Variants in VPS13C observed in about 807,000 individuals in gnomAD.
VPS13C encodes intermembrane lipid transfer protein VPS13C.
VPS13C carries 358 observed loss-of-function variants against 456.8 expected under a neutral mutation model. The ratio of observed to expected loss-of-function variants is 0.78; its 90% CI spans 0.72 to 0.86. The LOEUF (loss-of-function observed/expected upper bound fraction) is 0.86, where lower values mean the gene tolerates loss of function less well. Among genes scored for constraint, VPS13C ranks in the 40% least tolerant of loss-of-function variants. The pLI, the probability that VPS13C is intolerant of heterozygous loss-of-function variation, is 0.00. For missense variants in VPS13C, 4,818 were observed against 4,385.4 expected (o/e 1.10, Z -2.79); for synonymous variants, 1,578 against 1,486.7 (o/e 1.06, Z -1.41).
chr15:61,959,025 GACA>G (rs2140311964), intron 36 of VPS13C, among the ~76,000 whole-genome samples: 1 of 152,014 alleles, frequency 6.6e-6, no homozygotes, highest in East Asian at 1.9e-4. Flanking sequence ...CTATTAAAGT[GACA>G]ACTTTGGAAA....
intron 22 of VPS13C, among the ~76,000 whole-genome samples, chr15:61,980,438 C>T (rs2045846514): frequency 6.6e-6 from 1 of 152,120 alleles, no homozygotes; most frequent in Non-Finnish European, 1.5e-5. Context: ...AGTGTTCTGA[C>T]AAAGTCAGCC....
chr15:61,890,407 A>G lies in VPS13C; in HGVS notation c.9106-7T>C. The G allele has an allele frequency of 1.2e-6, 2 of 1,611,532 alleles. No individual in the cohort carries two copies. Among genetic ancestry groups the G allele is most frequent in the Non-Finnish European group, 1.7e-6 (2 of 1,177,964 alleles). ...GAAACTGTCCACATCCATCCTGGGA[A>G]GAAGAAAGACTTCATTAAACCCACA... On this transcript the variant is annotated splice_region_variant and splice_polypyrimidine_tract_variant and intron_variant, in intron 66 of 84. Coordinates refer to ENST00000644861, the MANE Select transcript of VPS13C (RefSeq NM_020821.3).
chr15:62,058,659 T>C (rs80222175), intron 1 of VPS13C, among the ~76,000 whole-genome samples: 3,387 of 152,262 alleles, frequency 0.022, 134 homozygotes, highest in African/African-American at 0.076. Context: ...AATTTTGGTA[T>C]GGTCAGGGGT....
Position 61,915,839 on chromosome 15 carries a change from C to T in VPS13C, c.8239G>A (p.Glu2747Lys). The change falls in exon 61 of 85, where the codon GAA becomes AAA. Residue 2747 changes from glutamate to lysine, a missense_variant. By Grantham distance (56) the Glu-to-Lys change is moderately conservative (BLOSUM62 1). Transcript: ENST00000644861. ...FPVCFSSDST[E>K]VTTVDLSVHV... Reference sequence around the variant, plus strand: ...ACTGACAGGTCGACTGTCGTCACTTCTGTGGAGTCAGAAGAAAAACACACA... The same window carrying T: ...ACTGACAGGTCGACTGTCGTCACTTTTGTGGAGTCAGAAGAAAAACACACA... 1 of 1,613,980 alleles carries T rather than the reference C, an allele frequency of 6.2e-7. No individual in the cohort carries two copies. The highest frequency in any genetic ancestry group is 8.5e-7 in the Non-Finnish European group (1 of 1,180,012).
At chr15:61,939,358 C>T (rs2044337359) in intron 47 of VPS13C, among the ~76,000 whole-genome samples, 1 of 152,164 alleles carries the variant, frequency 6.6e-6, no homozygotes, top group Admixed American at 6.5e-5. Flanking sequence ...AATTGTTCTT[C>T]ATGTAATATA....
intron 50 of VPS13C, among the ~76,000 whole-genome samples, chr15:61,930,738 A>G (rs2044026804): frequency 6.6e-6 from 1 of 152,246 alleles, no homozygotes; most frequent in Non-Finnish European, 1.5e-5. Context: ...ATGATGAAGG[A>G]AAAATCCATA....
At chr15:61,965,935 T>C (rs2045362259) in intron 30 of VPS13C, 148 bp downstream of exon 30, 2 of 467,282 alleles carry the variant, frequency 4.3e-6, no homozygotes, top group Non-Finnish European at 3.8e-6. Context: ...ACACAGAGCA[T>C]GGTAAGTATC....
chr15:61,979,612 A>G (rs2045812125), intron 22 of VPS13C, among the ~76,000 whole-genome samples: 1 of 152,258 alleles, frequency 6.6e-6, no homozygotes, highest in South Asian at 2.1e-4. Flanking sequence ...GTGGCAGACC[A>G]CATCAATTTG....
chr15:61,949,232 T>C (rs1380683149), intron 42 of VPS13C, among the ~76,000 whole-genome samples: 12 of 152,278 alleles, frequency 7.9e-5, no homozygotes, highest in Admixed American at 7.8e-4. Flanking sequence ...TGAATTGAAA[T>C]ATAAATATAT....
chr15:61,939,331 A>G (rs2044336077), intron 47 of VPS13C, among the ~76,000 whole-genome samples: 1 of 152,180 alleles, frequency 6.6e-6, no homozygotes, highest in Non-Finnish European at 1.5e-5. Flanking sequence ...TGAATGCCCA[A>G]ACAAACAAAA....
At chr15:61,873,578 C>A (rs1895190483) in intron 77 of VPS13C, among the ~76,000 whole-genome samples, 169 bp from the exon 78 acceptor site, 2 of 151,808 alleles carry the variant, frequency 1.3e-5, no homozygotes, top group Admixed American at 1.3e-4. Context: ...TGTTCAAGAT[C>A]AATAATCATC....
At chr15:61,929,293 G>A (rs760231508) in intron 51 of VPS13C, among the ~76,000 whole-genome samples, 10 of 152,088 alleles carry the variant, frequency 6.6e-5, no homozygotes, top group African/African-American at 1.9e-4. Context: ...TGGAACCAGC[G>A]GACTTTCCTG....
intron 81 of VPS13C, chr15:61,865,786 A>G (rs28379848): frequency 1.7e-5 from 13 of 748,714 alleles, no homozygotes; most frequent in African/African-American, 2.3e-5. Context: ...ATGTATGTGT[A>G]TATATATGTG....
chr15:61,859,113 G>T (rs1459575976), intron 82 of VPS13C, among the ~76,000 whole-genome samples: 1 of 152,202 alleles, frequency 6.6e-6, no homozygotes, highest in African/African-American at 2.4e-5. Flanking sequence ...GCTCATGCCT[G>T]TAATCCCAGC....
At chr15:61,864,408 C>T in intron 81 of VPS13C, 1 of 887,132 alleles carries the variant, frequency 1.1e-6, no homozygotes, top group Non-Finnish European at 1.3e-6. Context: ...ATAATGAATG[C>T]TAATGAAATA....
At chr15:61,958,151 C>T (rs751385199) in intron 37 of VPS13C, among the ~76,000 whole-genome samples, 1 of 151,980 alleles carries the variant, frequency 6.6e-6, no homozygotes, top group Non-Finnish European at 1.5e-5. Context: ...TTTAAATTCT[C>T]TTTCCATTTT....
intron 13 of VPS13C, among the ~76,000 whole-genome samples, chr15:62,009,853 C>T (rs373842411): frequency 4.6e-5 from 7 of 152,092 alleles, no homozygotes; most frequent in African/African-American, 1.7e-4. Flanking sequence ...TAATAAGAGT[C>T]TCTTCCATTA....
At chr15:61,924,440 G>A (rs1237103651) in intron 53 of VPS13C, among the ~76,000 whole-genome samples, 1 of 152,122 alleles carries the variant, frequency 6.6e-6, no homozygotes, top group Non-Finnish European at 1.5e-5. Context: ...TAAGTTTTTT[G>A]ACAGCAGGGG....
chr15:61,947,217 T>C lies in VPS13C; in HGVS notation c.4852A>G (p.Asn1618Asp). The C allele has an allele frequency of 6.2e-7, 1 of 1,600,678 alleles. No individual in the cohort carries two copies. Among genetic ancestry groups the C allele is most frequent in the Non-Finnish European group, 8.5e-7 (1 of 1,174,920 alleles). ...CCATGTATTTTAATATCTGCAATGT[T>C]ACACTTCTGATCACAGACAAAGACA... The part of the protein sequence containing the change: ...FNVFVCDQKC[N>D]IADIKIHGMD... The change falls in exon 43 of 85, where the codon AAC (asparagine) becomes GAC (aspartate). Residue 1618 changes from asparagine (N) to aspartate (D), a missense_variant. Asn to Asp is a conservative substitution (Grantham distance 23). Around this residue, in one of 3 missense-constraint regions of VPS13C, gnomAD observed 4,552 missense variants for 4,130.6 expected, o/e 1.10. Coordinates refer to ENST00000644861, the MANE Select transcript of VPS13C (RefSeq NM_020821.3).
Sources: allele counts gnomAD v4.1 joint callset (sites outside exome capture counted in the v4.1 genomes callset), GRCh38; gene constraint gnomAD v4.1.1; regional missense constraint gnomAD v4.1.1; transcripts MANE v1.5; gene names NCBI Gene and HGNC (gene_info 2026-07-23, HGNC 2026-07-21).